The following SIK2 variants were observed in gnomAD, a reference collection of about 807,000 sequenced individuals.
SIK2 encodes salt inducible kinase 2.
SIK2 carries 29 observed loss-of-function variants against 103.2 expected under a neutral mutation model. That is an observed-to-expected ratio of 0.28 (90% CI 0.21 to 0.38). The LOEUF (loss-of-function observed/expected upper bound fraction) is 0.38. Among genes scored for constraint, SIK2 ranks in the 10% least tolerant of loss-of-function variants. The pLI, the probability that SIK2 is intolerant of heterozygous loss-of-function variation, is 1.00. For synonymous variants in SIK2, 412 were observed against 446.1 expected (o/e 0.92, Z 0.96); for missense variants, 879 against 1,171.0 (o/e 0.75, Z 3.64).
chr11:111,722,647 GT>G lies in SIK2; in HGVS notation c.2056-13del. On this transcript the variant is annotated splice_polypyrimidine_tract_variant and intron_variant, in intron 13 of 14. Coordinates refer to ENST00000304987, the MANE Select transcript of SIK2 (RefSeq NM_015191.3). The surrounding 1 kb of genome is among the most constrained non-coding windows in gnomAD (Gnocchi z 4.4). The stretch of plus-strand genomic sequence containing the variant: ...GACAGCACATTGTCACGCTCATGTT[GT>G]TTTTCTGCTCTTCCAGAAGCCCAGC... 1 of 1,611,390 alleles carries G rather than the reference GT, an allele frequency of 6.2e-7. No individual in the cohort carries two copies. The highest frequency in any genetic ancestry group is 8.5e-7 in the Non-Finnish European group (1 of 1,178,960).
At chr11:111,721,506 T>A (rs1030429140) in intron 12 of SIK2, among the ~76,000 whole-genome samples, 8 of 152,228 alleles carry the variant, frequency 5.3e-5, no homozygotes, top group Non-Finnish European at 1.0e-4. Flanking sequence ...ATACTGCTAC[T>A]TACCTGATTT....
chr11:111,689,658 T>C (rs946938806), intron 4 of SIK2, among the ~76,000 whole-genome samples: 1 of 152,200 alleles, frequency 6.6e-6, no homozygotes, highest in Non-Finnish European at 1.5e-5. Context: ...CCTGTTAGGT[T>C]GGATACTCAT....
intron 4 of SIK2, among the ~76,000 whole-genome samples, chr11:111,697,369 G>T (rs1325731392): frequency 6.6e-6 from 1 of 152,182 alleles, no homozygotes; most frequent in Non-Finnish European, 1.5e-5. Flanking sequence ...TGAGAGCTGG[G>T]AGTACAGAAT....
intron 3 of SIK2, among the ~76,000 whole-genome samples, chr11:111,686,650 A>G (rs1942850500): frequency 6.6e-6 from 1 of 152,246 alleles, no homozygotes; most frequent in African/African-American, 2.4e-5. Context: ...AGATAATTTC[A>G]GAGGACTTTC....
chr11:111,668,611 G>A (rs1942581992), intron 3 of SIK2, among the ~76,000 whole-genome samples: 1 of 152,118 alleles, frequency 6.6e-6, no homozygotes, highest in Non-Finnish European at 1.5e-5. Flanking sequence ...CGATCATATG[G>A]GAGCTTATTG....
intron 1 of SIK2, among the ~76,000 whole-genome samples, chr11:111,613,040 G>A (rs1941751023): frequency 6.6e-6 from 1 of 150,900 alleles, no homozygotes; most frequent in East Asian, 1.9e-4. Flanking sequence ...GTTAAGAAAT[G>A]TTAAATGAGA....
chr11:111,690,425 T>C (rs1254443887), intron 4 of SIK2, among the ~76,000 whole-genome samples: 3 of 151,666 alleles, frequency 2.0e-5, no homozygotes, highest in African/African-American at 7.3e-5. Context: ...AAGAGAACTA[T>C]TTTATTTATT....
At chr11:111,605,271 T>A (rs1789359) in intron 1 of SIK2, among the ~76,000 whole-genome samples, 90,460 of 152,076 alleles carry the variant, frequency 0.59, 30,063 homozygotes, top group East Asian at 0.96. Flanking sequence ...CCCAATTGTT[T>A]CTTAAAGTAT....
intron 7 of SIK2, among the ~76,000 whole-genome samples, chr11:111,704,551 T>G (rs1943295301): frequency 6.6e-6 from 1 of 152,198 alleles, no homozygotes; most frequent in Non-Finnish European, 1.5e-5. Flanking sequence ...TCCACATACT[T>G]TAACCATTCA....
intron 3 of SIK2, among the ~76,000 whole-genome samples, chr11:111,635,935 C>T (rs759563493): frequency 1.3e-5 from 2 of 152,212 alleles, no homozygotes; most frequent in African/African-American, 4.8e-5. Context: ...CCATACCCAA[C>T]TGAATTCTAT....
chr11:111,613,628 T>C (rs1941759674), intron 1 of SIK2, among the ~76,000 whole-genome samples: 1 of 152,202 alleles, frequency 6.6e-6, no homozygotes, highest in South Asian at 2.1e-4. Flanking sequence ...ATAATATTTC[T>C]AATAGCGAGT....
chr11:111,602,680 C>T lies in SIK2; in HGVS notation c.117C>T (p.His39=), dbSNP rs1211039857. Residue 39 remains histidine (H), a synonymous_variant, in exon 1 of 15, where the codon CAC becomes CAT. Coordinates refer to ENST00000304987, the MANE Select transcript of SIK2 (RefSeq NM_015191.3). This position sits in a 1 kb window ranked among gnomAD's most constrained non-coding sequence, Gnocchi z 4.5. ...GNFAVVKLGR[H]RITKTEVAIK... ...TCGCTGTGGTGAAGCTGGGGCGGCA[C>T]CGGATCACCAAGACGGAGGTGCGGC... 6 of 1,523,204 alleles carry T rather than the reference C, an allele frequency of 3.9e-6. No homozygotes were observed. Among genetic ancestry groups the T allele is most frequent in the South Asian group, 1.2e-5 (1 of 81,594 alleles). The allele number at this position is 1,523,204 out of a possible 1,614,324, so 94.4% of individuals were successfully genotyped here. A position where few individuals can be genotyped will look rare whatever the true frequency, so the allele number is the denominator to read the frequency against.
At chr11:111,666,943 TTTTATTTATTTA>T (rs57641391) in intron 3 of SIK2, among the ~76,000 whole-genome samples, 118,480 of 145,376 alleles carry the variant, frequency 0.81, 53,236 homozygotes, top group East Asian at 0.99. Context: ...TTTTATTTTA[TTTTATTTATTTA>T]TTTATTTATT....
chr11:111,617,960 T>C (rs1291162343), intron 2 of SIK2, among the ~76,000 whole-genome samples: 1 of 152,074 alleles, frequency 6.6e-6, no homozygotes, highest in African/African-American at 2.4e-5. Flanking sequence ...AGAGAGGGTC[T>C]CACTGTTGTT....
intron 3 of SIK2, among the ~76,000 whole-genome samples, chr11:111,666,134 C>T (rs1432303917): frequency 3.3e-5 from 5 of 152,222 alleles, no homozygotes; most frequent in Admixed American, 1.3e-4. Flanking sequence ...TCTACCTCCC[C>T]GCAACCTCAA....
intron 3 of SIK2, among the ~76,000 whole-genome samples, chr11:111,673,465 A>G (rs1235290143): frequency 6.6e-6 from 1 of 152,198 alleles, no homozygotes; most frequent in Non-Finnish European, 1.5e-5. Flanking sequence ...AGATCCCTGA[A>G]TACTGCCCAA....
At chr11:111,715,793 CTTTTTTTTTTTTTT>C (rs535843069) in intron 9 of SIK2, among the ~76,000 whole-genome samples, 24 of 81,598 alleles carry the variant, frequency 2.9e-4, no homozygotes, top group Middle Eastern at 0.018. Context: ...TCATTTTTAG[CTTTTTTTTTTTTTT>C]TTTTTTTTTT....
At chr11:111,608,424 T>C (rs575998237) in intron 1 of SIK2, among the ~76,000 whole-genome samples, 1 of 152,324 alleles carries the variant, frequency 6.6e-6, no homozygotes, top group South Asian at 2.1e-4. Context: ...ATTGTAAACA[T>C]TGTTGAAAAG....
Position 111,602,617 on chromosome 11 carries a change from G to T in SIK2, c.54G>T (p.Gly18=). ...TGCAGCGCGGGCCGGTCCGGGTGGG[G>T]TTCTACGACATCGAGGGCACGCTGG... ...RHLQRGPVRV[G]FYDIEGTLGK... Residue 18 remains glycine, a synonymous_variant, in exon 1 of 15, where the codon GGG becomes GGT. Coordinates refer to ENST00000304987, the MANE Select transcript of SIK2 (RefSeq NM_015191.3). The surrounding 1 kb of genome is among the most constrained non-coding windows in gnomAD (Gnocchi z 4.5). 2.0e-6 allele frequency: 3 copies of T among 1,536,738 alleles called. No individual in the cohort carries two copies. The highest frequency in any genetic ancestry group is 2.6e-6 in the Non-Finnish European group (3 of 1,141,142).
Sources: allele counts gnomAD v4.1 joint callset (sites outside exome capture counted in the v4.1 genomes callset), GRCh38; gene constraint gnomAD v4.1.1; non-coding constraint Gnocchi (gnomAD v3.1); transcripts MANE v1.5; gene names NCBI Gene and HGNC (gene_info 2026-07-23, HGNC 2026-07-21).